PTPRR: variants seen among roughly 807,000 people sequenced by gnomAD.
PTPRR encodes receptor-type tyrosine-protein phosphatase R.
Under a neutral mutation model 77.2 loss-of-function variants are expected in PTPRR, and 38 were observed. That is an observed-to-expected ratio of 0.49 (90% confidence interval 0.38 to 0.65). The LOEUF (loss-of-function observed/expected upper bound fraction) is 0.65. Ranked by LOEUF, PTPRR falls within the 30% of genes least tolerant of loss-of-function variation. The pLI is 0.00. For missense variants in PTPRR, 744 were observed against 799.2 expected (o/e 0.93, Z 0.83); for synonymous variants, 299 against 283.1 (o/e 1.06, Z -0.57).
At chr12:70,760,524 T>G (rs538751709) in intron 4 of PTPRR, among the ~76,000 whole-genome samples, 2 of 152,190 alleles carry the variant, frequency 1.3e-5, no homozygotes, top group African/African-American at 2.4e-5. Context: ...GGAAGATGGC[T>G]CACTCACATC....
intron 2 of PTPRR, among the ~76,000 whole-genome samples, chr12:70,769,770 C>T (rs1371982858): frequency 6.6e-6 from 1 of 151,826 alleles, no homozygotes; most frequent in Non-Finnish European, 1.5e-5. Flanking sequence ...TACTACAAGG[C>T]TACAGTAAAC....
intron 2 of PTPRR, among the ~76,000 whole-genome samples, chr12:70,784,001 G>C (rs1041929648): frequency 7.2e-5 from 11 of 152,110 alleles, no homozygotes; most frequent in South Asian, 2.1e-4. Flanking sequence ...GTAGGGAGAA[G>C]CCCGGCAACA....
chr12:70,855,926 A>C (rs1892644263), intron 2 of PTPRR, among the ~76,000 whole-genome samples: 1 of 152,144 alleles, frequency 6.6e-6, no homozygotes. Context: ...CAATCTTCTG[A>C]AGTTGCTCCT....
intron 2 of PTPRR, among the ~76,000 whole-genome samples, chr12:70,817,513 T>A (rs935579237): frequency 5.9e-5 from 9 of 152,352 alleles, no homozygotes; most frequent in African/African-American, 1.9e-4. Context: ...TTAATTTTCA[T>A]CTATTTTTGA....
intron 2 of PTPRR, among the ~76,000 whole-genome samples, chr12:70,780,490 A>G (rs1415673836): frequency 1.3e-5 from 2 of 152,116 alleles, no homozygotes; most frequent in Non-Finnish European, 2.9e-5. Context: ...AGGATTATTT[A>G]TTTTGGGATA....
chr12:70,727,933 A>T (rs1197183671), intron 6 of PTPRR, among the ~76,000 whole-genome samples: 2 of 152,186 alleles, frequency 1.3e-5, no homozygotes, highest in East Asian at 1.9e-4. Context: ...AGAAAATAAG[A>T]TCATACCTGT....
chr12:70,806,343 G>T (rs148987809), intron 2 of PTPRR, among the ~76,000 whole-genome samples: 1 of 152,156 alleles, frequency 6.6e-6, no homozygotes, highest in African/African-American at 2.4e-5. Context: ...GGAAAGTCTT[G>T]TTTGGGCTTA....
chr12:70,878,739 T>C (rs1893096869), intron 2 of PTPRR, among the ~76,000 whole-genome samples: 1 of 152,176 alleles, frequency 6.6e-6, no homozygotes, highest in South Asian at 2.1e-4. Context: ...GACCCAGCCA[T>C]CCCATTACTG....
intron 2 of PTPRR, among the ~76,000 whole-genome samples, chr12:70,884,681 C>A (rs1893206405): frequency 6.6e-6 from 1 of 150,708 alleles, no homozygotes; most frequent in Non-Finnish European, 1.5e-5. Flanking sequence ...TCCTGGCTAA[C>A]ACGGTGAAAC....
At chr12:70,743,860 C>A (rs1347481196) in intron 6 of PTPRR, among the ~76,000 whole-genome samples, 1 of 152,126 alleles carries the variant, frequency 6.6e-6, no homozygotes, top group African/African-American at 2.4e-5. Context: ...CAGTGGTCTA[C>A]AGAGGGCAGG....
At chr12:70,790,401 T>C (rs1891401890) in intron 2 of PTPRR, among the ~76,000 whole-genome samples, 1 of 152,146 alleles carries the variant, frequency 6.6e-6, no homozygotes, top group South Asian at 2.1e-4. Flanking sequence ...TGCCTAGGCT[T>C]CCAGGGTGCC....
At chr12:70,754,120 A>G (rs575668190) in intron 5 of PTPRR, 71 bp downstream of exon 5, 2 of 1,384,466 alleles carry the variant, frequency 1.4e-6, no homozygotes, top group Non-Finnish European at 2.0e-6. Context: ...ATTCATTTGA[A>G]TGGCAATGTA....
intron 1 of PTPRR, among the ~76,000 whole-genome samples, chr12:70,900,478 A>T (rs2137125737): frequency 6.6e-6 from 1 of 151,474 alleles, no homozygotes; most frequent in South Asian, 2.1e-4. Flanking sequence ...GATTTTTTTT[A>T]AATATGACCC....
intron 6 of PTPRR, among the ~76,000 whole-genome samples, chr12:70,703,637 G>A (rs1447842977): frequency 1.3e-5 from 2 of 152,138 alleles, no homozygotes; most frequent in Non-Finnish European, 2.9e-5. Flanking sequence ...ATAGTTTGCC[G>A]ATTGGTCTTA....
chr12:70,872,323 C>T (rs1653613241), intron 2 of PTPRR, among the ~76,000 whole-genome samples: 1 of 152,036 alleles, frequency 6.6e-6, no homozygotes, highest in African/African-American at 2.4e-5. Flanking sequence ...GAGTTTGAGG[C>T]CTTGCATACA....
chr12:70,751,283 C>T (rs1341701988), intron 5 of PTPRR, among the ~76,000 whole-genome samples: 1 of 152,192 alleles, frequency 6.6e-6, no homozygotes, highest in East Asian at 1.9e-4. Flanking sequence ...GTCGGTTCTA[C>T]TTTCAAATAG....
intron 1 of PTPRR, among the ~76,000 whole-genome samples, chr12:70,895,488 T>A (rs1426889442): frequency 6.6e-6 from 1 of 151,538 alleles, no homozygotes; most frequent in Non-Finnish European, 1.5e-5. Flanking sequence ...CACTTGTCTG[T>A]GTGAATGAAC....
chr12:70,828,766 ACTTGT>A (rs1469882009), intron 2 of PTPRR, among the ~76,000 whole-genome samples: 22 of 152,246 alleles, frequency 1.4e-4, no homozygotes, highest in Admixed American at 1.2e-3. Context: ...ACCTAAAACA[ACTTGT>A]CTTGTTATAA....
intron 2 of PTPRR, among the ~76,000 whole-genome samples, chr12:70,778,691 A>G (rs1242953091): frequency 6.6e-6 from 1 of 151,342 alleles, no homozygotes. Flanking sequence ...CAATTTCTCT[A>G]ATGTTTTTTT....
Sources: gnomAD v4.1 joint callset for allele counts (sites outside exome capture counted in the v4.1 genomes callset) on GRCh38, gnomAD v4.1.1 for gene constraint, MANE v1.5 for transcripts, NCBI Gene and HGNC (gene_info 2026-07-23, HGNC 2026-07-21) for gene names.